The following OR4D1 variants were observed in gnomAD, a reference collection of about 807,000 sequenced individuals.
OR4D1 encodes the protein olfactory receptor 4D1.
A neutral mutation model predicts 14.2 loss-of-function variants in OR4D1; 10 were observed. That is an observed-to-expected ratio of 0.71 (90% CI 0.44 to 1.20). The LOEUF is 1.20. Among genes scored for constraint, OR4D1 ranks in the 50% most tolerant of loss-of-function variants. OR4D1 has a pLI of 0.00. For synonymous variants in OR4D1, 141 were observed against 147.4 expected (o/e 0.96, Z 0.32); for missense variants, 345 against 376.6 (o/e 0.92, Z 0.70).
chr17:58,152,131 T>C (rs762764743), intron 2 of OR4D1, among the ~76,000 whole-genome samples: 4 of 152,198 alleles, frequency 2.6e-5, no homozygotes, highest in Non-Finnish European at 5.9e-5. Flanking sequence ...ATTTGAATTA[T>C]TATTATATTA....
At chr17:58,151,708 T>G (rs918078586) in intron 2 of OR4D1, among the ~76,000 whole-genome samples, 1 of 152,238 alleles carries the variant, frequency 6.6e-6, no homozygotes, top group Admixed American at 6.5e-5. Flanking sequence ...AACATCCTTT[T>G]AGGATATATT....
Position 58,156,997 on chromosome 17 carries a change from AG to A in OR4D1, c.*912del, listed in dbSNP as rs1385502019. ...GTTGCTAGCGGAGTCGCGCGTCGGG[AG>A]CTACGTAGGGCAGGGAAGGCATGGC... On this transcript the variant is annotated 3_prime_UTR_variant, in exon 4 of 4. Coordinates refer to ENST00000268912, the MANE Select transcript of OR4D1 (RefSeq NM_001386095.1). 1.2e-6 allele frequency: 1 copy of A among 800,508 alleles called. No homozygotes were observed. Among genetic ancestry groups the A allele is most frequent in the Non-Finnish European group, 2.1e-6 (1 of 482,370 alleles). The allele number at this position is 800,508 out of a possible 1,614,324, so 49.6% of individuals were successfully genotyped here.
intron 2 of OR4D1, among the ~76,000 whole-genome samples, chr17:58,152,272 C>T (rs78636401): frequency 0.028 from 4,220 of 152,224 alleles, 94 homozygotes; most frequent in Non-Finnish European, 0.042. Flanking sequence ...CTCAAAATGC[C>T]GGGATTAACG....
At position 58,157,478 on chromosome 17, in the gene OR4D1, A is replaced by G; in HGVS notation, c.*1392A>G. ...GTCCCAGCTCCTCGCTCTGGAGGGC[A>G]AGTTGCTCCAGAAACAGTACCTCTC... On this transcript the variant is annotated 3_prime_UTR_variant, in exon 4 of 4. Transcript: ENST00000268912. 2 of 1,124,702 alleles carry G rather than the reference A, an allele frequency of 1.8e-6. No homozygotes were observed. Among genetic ancestry groups the G allele is most frequent in the East Asian group, 4.7e-5 (2 of 42,282 alleles). The allele number at this position is 1,124,702 out of a possible 1,614,324, so 69.7% of individuals were successfully genotyped here.
At position 58,155,501 on chromosome 17, in the gene OR4D1, A is replaced by G. The variant is rs757656913; in HGVS notation, c.348A>G (p.Ser116=). Residue 116 remains serine, a synonymous_variant, in exon 4 of 4, where the codon TCA becomes TCG. Coordinates refer to ENST00000268912, the MANE Select transcript of OR4D1 (RefSeq NM_001386095.1). ...LLGGGTVFFL[S]VMAYDRYIAI... ...GAGGTGGGACTGTCTTTTTTCTCTC[A>G]GTCATGGCCTATGACCGCTACATAG... 5 of 1,613,878 alleles carry G rather than the reference A, an allele frequency of 3.1e-6. No homozygotes were observed. The East Asian group carries it at 1.1e-4, about 36-fold the overall frequency.
Position 58,155,677 on chromosome 17 carries a change from A to C in OR4D1, c.524A>C (p.Asp175Ala), listed in dbSNP as rs940127385. 2.5e-6 allele frequency: 4 copies of C among 1,614,070 alleles called. No homozygotes were observed. Among genetic ancestry groups the C allele is most frequent in the Non-Finnish European group, 3.4e-6 (4 of 1,180,012 alleles). The change falls in exon 4 of 4, where the codon GAT (aspartate) becomes GCT (alanine). Residue 175 changes from aspartate to alanine, a missense_variant. Coordinates refer to ENST00000268912, the MANE Select transcript of OR4D1 (RefSeq NM_001386095.1). ...CCCTTCTGTGGCCCCAATATCCTAGATAACTTCTACTGTGATGTTCCCCAA... is the reference window on the plus strand; with the variant it reads ...CCCTTCTGTGGCCCCAATATCCTAGCTAACTTCTACTGTGATGTTCCCCAA... ...PLPFCGPNIL[D>A]NFYCDVPQVL... is the part of the protein sequence containing the mutation.
At chr17:58,152,153 T>C (rs12452127) in intron 2 of OR4D1, among the ~76,000 whole-genome samples, 81,263 of 152,082 alleles carry the variant, frequency 0.53, 23,057 homozygotes, top group East Asian at 0.84. Flanking sequence ...TACAGGTGCT[T>C]GCCACCACGC....
rs199828181 is a variant in OR4D1 at position 58,155,768 on chromosome 17, G to T, written c.615G>T (p.Leu205=). 1 of 1,614,186 alleles carries T rather than the reference G, an allele frequency of 6.2e-7. No homozygotes were observed. Among genetic ancestry groups the T allele is most frequent in the Non-Finnish European group, 8.5e-7 (1 of 1,180,026 alleles). The change falls in exon 4 of 4, where the codon CTG becomes CTT. Residue 205 remains leucine, a synonymous_variant. Coordinates refer to ENST00000268912, the MANE Select transcript of OR4D1 (RefSeq NM_001386095.1). ...LEFLMISNSG[L]LVIIWFLLLL... Reference sequence around the variant, plus strand: ...TCCTCATGATCTCCAACAGTGGGCTGCTAGTTATCATCTGGTTCCTCCTCC... The same window carrying T: ...TCCTCATGATCTCCAACAGTGGGCTTCTAGTTATCATCTGGTTCCTCCTCC...
At position 58,155,937 on chromosome 17, in the gene OR4D1, T is replaced by C; in HGVS notation, c.784T>C (p.Phe262Leu). 1 of 1,613,996 alleles carries C rather than the reference T, an allele frequency of 6.2e-7. No individual in the cohort carries two copies. ...IPCIYIYTWP[F>L]TPFLMDKAVS... is the part of the protein sequence containing the mutation. The stretch of plus-strand genomic sequence containing the variant: ...CTGTATCTATATCTATACCTGGCCC[T>C]TCACCCCATTCCTCATGGACAAGGC... Residue 262 changes from phenylalanine (F) to leucine (L), a missense_variant, in exon 4 of 4, where the codon TTC becomes CTC. By Grantham distance (22) the Phe-to-Leu change is conservative. Transcript: ENST00000268912.
Position 58,155,330 on chromosome 17 carries a change from G to A in OR4D1, c.177G>A (p.Met59Ile), listed in dbSNP as rs1031902191. The change falls in exon 4 of 4, where the codon ATG (methionine) becomes ATA (isoleucine). Residue 59 changes from methionine to isoleucine, a missense_variant. By Grantham distance (10) the Met-to-Ile change is conservative. Coordinates refer to ENST00000268912, the MANE Select transcript of OR4D1 (RefSeq NM_001386095.1). ...VTFDCRLHTPMYFLLRNLALI... is the reference protein window; with the variant it reads ...VTFDCRLHTPIYFLLRNLALI... ...TTGACTGCCGGCTCCACACACCCAT[G>A]TATTTTCTGCTCCGAAATCTAGCTC... 1 of 1,614,114 alleles carries A rather than the reference G, an allele frequency of 6.2e-7. No individual in the cohort carries two copies. The highest frequency in any genetic ancestry group is 8.5e-7 in the Non-Finnish European group (1 of 1,180,028).
chr17:58,157,008 G>A lies in OR4D1; in HGVS notation c.*922G>A. On this transcript the variant is annotated 3_prime_UTR_variant, in exon 4 of 4. Coordinates refer to ENST00000268912, the MANE Select transcript of OR4D1 (RefSeq NM_001386095.1). ...AGTCGCGCGTCGGGAGCTACGTAGGGCAGGGAAGGCATGGCTTCTGTTTTC... is the reference window on the plus strand; with the variant it reads ...AGTCGCGCGTCGGGAGCTACGTAGGACAGGGAAGGCATGGCTTCTGTTTTC... The A allele has an allele frequency of 1.2e-6, 1 of 868,004 alleles. No individual in the cohort carries two copies. Among genetic ancestry groups the A allele is most frequent in the Non-Finnish European group, 1.8e-6 (1 of 542,866 alleles). 53.8% of individuals were successfully genotyped at this position (868,004 alleles called of 1,614,324 possible).
rs141202898 is a variant in OR4D1 at position 58,158,449 on chromosome 17, A to ACCCCCCCCCCCCC, written c.*2373_*2374insCCCCCCCCCCCCC. 1 of 114,572 alleles carries ACCCCCCCCCCCCC rather than the reference A, an allele frequency of 8.7e-6. No homozygotes were observed. The highest frequency in any genetic ancestry group is 3.2e-5 in the African/African-American group (1 of 31,690). 7.1% of individuals were successfully genotyped at this position (114,572 alleles called of 1,614,324 possible). A position where few individuals can be genotyped will look rare whatever the true frequency, so the allele number is the denominator to read the frequency against. On this transcript the variant is annotated 3_prime_UTR_variant, in exon 4 of 4. Transcript: ENST00000268912. ...TTTGTTCCTATCTCTCCCCACGCCC[A>ACCCCCCCCCCCCC]CCCCCCCCCCACACACACATTTTTA... is the stretch of plus-strand genomic sequence containing the variant.
intron 2 of OR4D1, among the ~76,000 whole-genome samples, chr17:58,152,458 T>C (rs1386183823): frequency 6.6e-6 from 1 of 152,244 alleles, no homozygotes; most frequent in Non-Finnish European, 1.5e-5. Flanking sequence ...TTTGTATATA[T>C]TTACAAAGTA....
intron 2 of OR4D1, among the ~76,000 whole-genome samples, chr17:58,150,017 A>G (rs903826041): frequency 2.0e-5 from 3 of 152,232 alleles, no homozygotes; most frequent in African/African-American, 7.2e-5. Context: ...TGCCAGCAAA[A>G]TATTTAGTAT....
Position 58,149,808 on chromosome 17 carries a change from A to G in OR4D1, c.-127+12A>G, listed in dbSNP as rs1372203951. On this transcript the variant is annotated intron_variant, in intron 2 of 3. Coordinates refer to ENST00000268912, the MANE Select transcript of OR4D1 (RefSeq NM_001386095.1). ...TTAGAGGAGAGCAGGTAAGAGGAGAATAGTCATTAGGAGTGCAAATTCTGG... is the reference window on the plus strand; with the variant it reads ...TTAGAGGAGAGCAGGTAAGAGGAGAGTAGTCATTAGGAGTGCAAATTCTGG... The G allele has an allele frequency of 6.6e-6, 1 of 152,182 alleles. No individual in the cohort carries two copies. The highest frequency in any genetic ancestry group is 1.5e-5 in the Non-Finnish European group (1 of 68,034). 9.4% of individuals were successfully genotyped at this position (152,182 alleles called of 1,614,324 possible). A position where few individuals can be genotyped will look rare whatever the true frequency, so the allele number is the denominator to read the frequency against.
At chr17:58,154,888 G>A (rs556909629) in intron 3 of OR4D1, among the ~76,000 whole-genome samples, 2 of 152,328 alleles carry the variant, frequency 1.3e-5, no homozygotes, top group South Asian at 4.1e-4. Flanking sequence ...TGTGGTTGAG[G>A]ACAGCATGGC....
At position 58,155,996 on chromosome 17, in the gene OR4D1, G is replaced by C; in HGVS notation, c.843G>C (p.Met281Ile). 6.2e-7 allele frequency: 1 copy of C among 1,611,962 alleles called. No homozygotes were observed. The highest frequency in any genetic ancestry group is 8.5e-7 in the Non-Finnish European group (1 of 1,178,836). The change falls in exon 4 of 4, where the codon ATG becomes ATC. Residue 281 changes from methionine (M) to isoleucine (I), a missense_variant. By Grantham distance (10) the Met-to-Ile change is conservative (BLOSUM62 1). Coordinates refer to ENST00000268912, the MANE Select transcript of OR4D1 (RefSeq NM_001386095.1). ...VSISYTVMTPMLNPMIYTLRN... is the reference protein window; with the variant it reads ...VSISYTVMTPILNPMIYTLRN... ...TCAGCTACACAGTCATGACCCCCAT[G>C]CTCAACCCCATGATCTACACCCTGA... is the stretch of plus-strand genomic sequence containing the variant.
At chr17:58,150,133 T>G (rs1967681869) in intron 2 of OR4D1, among the ~76,000 whole-genome samples, 1 of 152,176 alleles carries the variant, frequency 6.6e-6, no homozygotes, top group African/African-American at 2.4e-5. Context: ...TTACTACAAT[T>G]ACAATAAATG....
Position 58,149,484 on chromosome 17 carries a change from A to G in OR4D1, c.-439A>G, listed in dbSNP as rs17740678. The G allele has an allele frequency of 6.6e-6, 1 of 152,210 alleles. No homozygotes were observed. 9.4% of individuals were successfully genotyped at this position (152,210 alleles called of 1,614,324 possible). On this transcript the variant is annotated 5_prime_UTR_variant, in exon 2 of 4. Transcript: ENST00000268912. ...CCTGTCCTCCATTAAGCAATCACACATTCTTTTGGGAACCAACTATGAGAA... is the reference window on the plus strand; with the variant it reads ...CCTGTCCTCCATTAAGCAATCACACGTTCTTTTGGGAACCAACTATGAGAA...
Sources: gnomAD v4.1 joint callset for allele counts (sites outside exome capture counted in the v4.1 genomes callset) on GRCh38, gnomAD v4.1.1 for gene constraint, MANE v1.5 for transcripts, NCBI Gene and HGNC (gene_info 2026-07-23, HGNC 2026-07-21) for gene names.